KCNIP3: variants seen among roughly 807,000 people sequenced by gnomAD.
KCNIP3 encodes the protein potassium voltage-gated channel interacting protein 3.
KCNIP3 carries 28 observed loss-of-function variants against 35.0 expected under a neutral mutation model. That is an observed-to-expected ratio of 0.80 (90% confidence interval 0.59 to 1.10). KCNIP3 has a LOEUF of 1.10. KCNIP3 is among the 50% of genes least tolerant of loss of function. The probability of loss-of-function intolerance (pLI) is 0.00; values close to 1 mark genes in which losing one functional copy is unlikely to be tolerated. For synonymous variants in KCNIP3, 134 were observed against 133.8 expected, an observed-to-expected ratio of 1.00 and a Z score of -0.01; for missense variants, 295 against 338.4, an observed-to-expected ratio of 0.87 and a Z score of 1.01.
At chr2:95,330,116 G>A (rs1028004884) in intron 2 of KCNIP3, among the ~76,000 whole-genome samples, 3 of 152,240 alleles carry the variant, frequency 2.0e-5, no homozygotes, top group African/African-American at 7.2e-5. Context: ...TTGAGTTGCA[G>A]GGCTGGGGTG....
chr2:95,374,326 C>T lies in KCNIP3; in HGVS notation c.212C>T (p.Thr71Met), dbSNP rs759562362. The change falls in exon 3 of 9, where the codon ACG becomes ATG. Residue 71 changes from threonine (T) to methionine (M), a missense_variant. By Grantham distance (81) the Thr-to-Met change is moderately conservative (BLOSUM62 -1). Transcript: ENST00000295225. ...DSSDSELELS[T>M]VRHQPEGLDQ... is the part of the protein sequence containing the mutation. The stretch of plus-strand genomic sequence containing the variant: ...AGCGACAGTGAGCTGGAGCTGTCCA[C>T]GGTGCGCCACCAGCCAGAGGGGCTG... 12 of 1,614,014 alleles carry T rather than the reference C, an allele frequency of 7.4e-6. No individual in the cohort carries two copies. Among genetic ancestry groups the T allele is most frequent in the Middle Eastern group, 3.3e-4 (2 of 6,074 alleles).
chr2:95,306,143 T>C (rs990672372), intron 1 of KCNIP3, among the ~76,000 whole-genome samples: 21 of 152,184 alleles, frequency 1.4e-4, no homozygotes, highest in African/African-American at 5.1e-4. Context: ...CTCCACATCC[T>C]CACCAGCTTT....
chr2:95,369,378 T>TGTTGTGTTTG (rs1679988939), intron 2 of KCNIP3, among the ~76,000 whole-genome samples: 1 of 152,206 alleles, frequency 6.6e-6, no homozygotes, highest in Non-Finnish European at 1.5e-5. Flanking sequence ...TGTTGAGAAA[T>TGTTGTGTTTG]TTCACACCTG....
At chr2:95,346,909 C>G (rs1258948334) in intron 2 of KCNIP3, 1 of 502,412 alleles carries the variant, frequency 2.0e-6, no homozygotes, top group Non-Finnish European at 3.1e-6. Flanking sequence ...GCATGTGAGC[C>G]GTCGCCGCCC....
At chr2:95,383,175 G>A (rs1206396426) in intron 7 of KCNIP3, 57 bp from the exon 8 acceptor site, 1 of 1,415,482 alleles carries the variant, frequency 7.1e-7, no homozygotes, top group Non-Finnish European at 9.6e-7. Context: ...CTCAGGCCAG[G>A]GGCGGGGCTG....
rs549182583 is a variant in KCNIP3 at position 95,349,859 on chromosome 2, C to T, written c.182-24437C>T. On this transcript the variant is annotated intron_variant, in intron 2 of 8. Transcript: ENST00000295225. Reference sequence around the variant, plus strand: ...GTGCGAGAGCTTGGAGCTGCTGGGACGGCCCCGAGGGCCATCAAGGGGATC... The same window carrying T: ...GTGCGAGAGCTTGGAGCTGCTGGGATGGCCCCGAGGGCCATCAAGGGGATC... Among the ~76,000 whole-genome samples the T allele has an allele frequency of 4.5e-4, 69 of 152,324 alleles. 2 individuals are homozygous for T. In the South Asian group the frequency reaches 0.011, roughly 24 times the overall value.
intron 2 of KCNIP3, among the ~76,000 whole-genome samples, chr2:95,358,403 A>C (rs1234323929): frequency 6.6e-6 from 1 of 152,222 alleles, no homozygotes; most frequent in Non-Finnish European, 1.5e-5. Flanking sequence ...CTGGGAAGAA[A>C]GCCCTGCTTG....
chr2:95,318,336 C>A (rs939125663), intron 2 of KCNIP3, among the ~76,000 whole-genome samples: 8 of 152,154 alleles, frequency 5.3e-5, no homozygotes, highest in African/African-American at 1.9e-4. Context: ...CCGTCTCCTT[C>A]CCTCACTGGA....
chr2:95,310,650 GGT>G (rs1678290249), intron 2 of KCNIP3, 130 bp downstream of exon 2: 1 of 1,002,594 alleles, frequency 1.0e-6, no homozygotes, highest in African/African-American at 1.6e-5. Flanking sequence ...CTCTATTGGA[GGT>G]GTGTTTTCAT....
intron 1 of KCNIP3, among the ~76,000 whole-genome samples, chr2:95,301,064 C>T (rs1357189140): frequency 1.3e-5 from 2 of 152,272 alleles, no homozygotes; most frequent in African/African-American, 4.8e-5. Flanking sequence ...GTGCCACATG[C>T]CCCTGTGCCC....
At chr2:95,354,249 C>T (rs1679598433) in intron 2 of KCNIP3, among the ~76,000 whole-genome samples, 1 of 152,246 alleles carries the variant, frequency 6.6e-6, no homozygotes, top group African/African-American at 2.4e-5. Flanking sequence ...GGGCTCTTCT[C>T]AGAGCAGCAG....
At chr2:95,352,833 G>C (rs980037014) in intron 2 of KCNIP3, among the ~76,000 whole-genome samples, 1 of 152,176 alleles carries the variant, frequency 6.6e-6, no homozygotes, top group African/African-American at 2.4e-5. Flanking sequence ...CACAACTGGT[G>C]ACCAGACATG....
intron 2 of KCNIP3, among the ~76,000 whole-genome samples, chr2:95,372,135 C>T (rs1192207962): frequency 6.6e-6 from 1 of 152,174 alleles, no homozygotes; most frequent in African/African-American, 2.4e-5. Flanking sequence ...GAGTATCCCT[C>T]TTGTAAACAG....
chr2:95,381,627 G>A lies in KCNIP3; in HGVS notation c.479G>A (p.Arg160Gln), dbSNP rs975506206. The part of the protein sequence containing the change: ...DFVVGLSILL[R>Q]GTVHEKLKWA... ...GTGGTTGGCCTCTCCATCCTGCTGC[G>A]GGGCACAGTCCACGAGAAGCTCAAG... The change falls in exon 6 of 9, where the codon CGG becomes CAG. Residue 160 changes from arginine (R) to glutamine (Q), a missense_variant. By Grantham distance (43) the Arg-to-Gln change is conservative. Transcript: ENST00000295225. 1.1e-5 allele frequency: 18 copies of A among 1,613,912 alleles called. No individual in the cohort carries two copies. The highest frequency in any genetic ancestry group is 2.2e-5 in the South Asian group (2 of 91,078).
At chr2:95,349,625 A>G (rs995084603) in intron 2 of KCNIP3, among the ~76,000 whole-genome samples, 5 of 152,158 alleles carry the variant, frequency 3.3e-5, no homozygotes, top group African/African-American at 1.2e-4. Context: ...GGGTGGTGGC[A>G]TGGCTGTCCT....
At chr2:95,364,901 A>G (rs190610570) in intron 2 of KCNIP3, among the ~76,000 whole-genome samples, 273 of 152,228 alleles carry the variant, frequency 1.8e-3, no homozygotes, top group African/African-American at 6.2e-3. Context: ...CCTGGGCAAC[A>G]TGACAAAACC....
chr2:95,337,718 G>A (rs564027339), intron 2 of KCNIP3, among the ~76,000 whole-genome samples: 64 of 152,326 alleles, frequency 4.2e-4, no homozygotes, highest in African/African-American at 1.5e-3. Context: ...CCCAAGGTCT[G>A]TTGGCTTTAT....
intron 1 of KCNIP3, among the ~76,000 whole-genome samples, chr2:95,303,749 C>A (rs1678103102): frequency 1.3e-5 from 2 of 152,202 alleles, no homozygotes; most frequent in African/African-American, 4.8e-5. Flanking sequence ...GGCGGCTGTG[C>A]CCTGCCAGGA....
chr2:95,384,064 A>G lies in KCNIP3; in HGVS notation c.*15A>G. The G allele has an allele frequency of 6.2e-7, 1 of 1,613,058 alleles. No homozygotes were observed. The highest frequency in any genetic ancestry group is 8.5e-7 in the Non-Finnish European group (1 of 1,179,182). Reference sequence around the variant, plus strand: ...ATGTCATCTAGGACACGTCCAAAGGAGTGCATGGCCACAGCCACCTCCACC... The same window carrying G: ...ATGTCATCTAGGACACGTCCAAAGGGGTGCATGGCCACAGCCACCTCCACC... On this transcript the variant is annotated 3_prime_UTR_variant, in exon 9 of 9. Coordinates refer to ENST00000295225, the MANE Select transcript of KCNIP3 (RefSeq NM_013434.5).
Sources: gnomAD v4.1 joint callset for allele counts (sites outside exome capture counted in the v4.1 genomes callset) on GRCh38, gnomAD v4.1.1 for gene constraint, MANE v1.5 for transcripts, NCBI Gene and HGNC (gene_info 2026-07-23, HGNC 2026-07-21) for gene names.